RPAP2: variants seen among roughly 807,000 people sequenced by gnomAD.
RPAP2 encodes putative RNA polymerase II subunit B1 CTD phosphatase RPAP2.
Under a neutral mutation model 73.1 loss-of-function variants are expected in RPAP2, and 52 were observed. The observed-to-expected ratio is 0.71, with a 90% CI of 0.57 to 0.90. The LOEUF is 0.90. Among genes scored for constraint, RPAP2 ranks in the 40% least tolerant of loss-of-function variants. RPAP2 has a pLI of 0.00. For synonymous variants in RPAP2, 225 were observed against 242.1 expected (o/e 0.93, Z 0.65); for missense variants, 598 against 701.8 (o/e 0.85, Z 1.67).
intron 11 of RPAP2, among the ~76,000 whole-genome samples, chr1:92,364,015 AG>A (rs1215143371): frequency 6.6e-6 from 1 of 152,040 alleles, no homozygotes; most frequent in African/African-American, 2.4e-5. Context: ...TGCATGGGGG[AG>A]GGGGTCAGTG....
chr1:92,373,762 A>T (rs983378648), intron 11 of RPAP2, among the ~76,000 whole-genome samples: 6 of 147,850 alleles, frequency 4.1e-5, no homozygotes, highest in African/African-American at 1.5e-4. Context: ...AAAAAAAAAA[A>T]AAAAAAAAGT....
chr1:92,374,802 T>G (rs1244282974), intron 11 of RPAP2, among the ~76,000 whole-genome samples: 1 of 152,112 alleles, frequency 6.6e-6, no homozygotes, highest in Non-Finnish European at 1.5e-5. Flanking sequence ...TATTAAGTAA[T>G]AAAACATAAA....
rs12065163 is a variant in RPAP2, at chr1:92,323,748, T to C, written c.828T>C (p.Asp276=). 15,539 of 1,614,092 alleles carry C rather than the reference T, an allele frequency of 9.6e-3. 1,140 individuals carry two copies. The African/African-American group carries it at 0.17, about 18-fold the overall frequency. The change falls in exon 8 of 13, where the codon GAT becomes GAC. Residue 276 remains aspartate, a synonymous_variant. Transcript: ENST00000610020. ...TVVDVTEQLG[D]CKLDSQEKDA... ...TAGATGTCACTGAGCAGTTAGGCGA[T>C]TGCAAATTAGATAGTCAGGAGAAAG... is the stretch of plus-strand genomic sequence containing the variant.
intron 11 of RPAP2, among the ~76,000 whole-genome samples, chr1:92,357,392 CCATA>C (rs1189823607): frequency 6.6e-6 from 1 of 152,012 alleles, no homozygotes; most frequent in East Asian, 1.9e-4. Context: ...GTTTGGGGGG[CCATA>C]CAAAGTTGAT....
At chr1:92,321,475 TA>T (rs201995106) in intron 7 of RPAP2, among the ~76,000 whole-genome samples, 2 of 151,828 alleles carry the variant, frequency 1.3e-5, no homozygotes, top group African/African-American at 4.8e-5. Flanking sequence ...TATATATATA[TA>T]TTTTTTTCTT....
At chr1:92,381,363 T>G (rs1003232453) in intron 12 of RPAP2, among the ~76,000 whole-genome samples, 3 of 152,186 alleles carry the variant, frequency 2.0e-5, no homozygotes, top group African/African-American at 7.2e-5. Context: ...CCTAACCCTG[T>G]TCCCAGATAC....
At position 92,324,262 on chromosome 1, in the gene RPAP2, A is replaced by C. The variant is rs1220530268; in HGVS notation, c.1342A>C (p.Ser448Arg). 1 of 1,613,924 alleles carries C rather than the reference A, an allele frequency of 6.2e-7. No homozygotes were observed. The highest frequency in any genetic ancestry group is 8.5e-7 in the Non-Finnish European group (1 of 1,179,964). The stretch of plus-strand genomic sequence containing the variant: ...AGGTACAGCCATTAAACCACTGCCA[A>C]GTTACGAGAATTTGAAAAAAGAAAC... ...GSGTAIKPLP[S>R]YENLKKETEK... Residue 448 changes from serine to arginine, a missense_variant, in exon 8 of 13, where the codon AGT becomes CGT. This residue lies in a region of RPAP2 where 506 missense variants were observed against 612.8 expected (regional missense o/e 0.83). Transcript: ENST00000610020.
chr1:92,305,315 C>T (rs1651131644), intron 5 of RPAP2, among the ~76,000 whole-genome samples: 1 of 151,072 alleles, frequency 6.6e-6, no homozygotes, highest in Non-Finnish European at 1.5e-5. Context: ...CGCCTGTAGT[C>T]CCAGCTACTC....
intron 11 of RPAP2, among the ~76,000 whole-genome samples, chr1:92,365,129 G>A (rs1654885200): frequency 1.3e-5 from 2 of 152,060 alleles, no homozygotes; most frequent in South Asian, 4.1e-4. Context: ...CTCCTTAGAA[G>A]CCTTCCTTAA....
intron 11 of RPAP2, among the ~76,000 whole-genome samples, chr1:92,372,193 C>CTCATA (rs1655184892): frequency 6.6e-6 from 1 of 152,064 alleles, no homozygotes; most frequent in Non-Finnish European, 1.5e-5. Context: ...CCAAGTAAAT[C>CTCATA]TCATATCATT....
In RPAP2 at chr1:92,380,808, A is replaced by G; in HGVS notation, c.1773A>G (p.Leu591=). The change falls in exon 12 of 13, where the codon TTA becomes TTG. Residue 591 remains leucine, a synonymous_variant. Transcript: ENST00000610020. ...TRFLDTLLEE[L]HLKNEDLESL... Reference sequence around the variant, plus strand: ...TTCTAGACACCCTCCTTGAAGAATTACATCTAAAAAATGAAGACCTTGAAA... The same window carrying G: ...TTCTAGACACCCTCCTTGAAGAATTGCATCTAAAAAATGAAGACCTTGAAA... The G allele has an allele frequency of 6.2e-7, 1 of 1,608,070 alleles. No homozygotes were observed.
At chr1:92,343,721 A>G (rs1199206642) in intron 10 of RPAP2, among the ~76,000 whole-genome samples, 1 of 143,286 alleles carries the variant, frequency 7.0e-6, no homozygotes, top group Non-Finnish European at 1.6e-5. Context: ...CTCTGACAAG[A>G]AAAAACAGAA....
At chr1:92,309,257 C>T (rs1189888312) in intron 6 of RPAP2, among the ~76,000 whole-genome samples, 2 of 151,942 alleles carry the variant, frequency 1.3e-5, no homozygotes, top group Admixed American at 6.6e-5. Flanking sequence ...TCCTGGCCAA[C>T]ATGGTGAAAC....
intron 2 of RPAP2, 114 bp from the exon 3 acceptor site, chr1:92,301,362 A>C: frequency 2.5e-6 from 1 of 396,180 alleles, no homozygotes; most frequent in Non-Finnish European, 4.4e-6. Flanking sequence ...AAATTTTTTA[A>C]ATATATTTAA....
chr1:92,393,426 G>T lies in RPAP2; in HGVS notation c.*6415G>T, dbSNP rs1350373274. The T allele has an allele frequency of 1.3e-5, 2 of 152,182 alleles. No homozygotes were observed. The highest frequency in any genetic ancestry group is 2.9e-5 in the Non-Finnish European group (2 of 68,046). The allele number at this position is 152,182 out of a possible 1,614,324, so 9.4% of individuals were successfully genotyped here. A position where few individuals can be genotyped will look rare whatever the true frequency, so the allele number is the denominator to read the frequency against. ...CATTCAGGACATAGGCATGGGCAAA[G>T]ACTTCATGTCTAAAACACCAAAAGC... On this transcript the variant is annotated 3_prime_UTR_variant, in exon 13 of 13. Coordinates refer to ENST00000610020, the MANE Select transcript of RPAP2 (RefSeq NM_024813.3).
chr1:92,307,311 T>A, intron 6 of RPAP2, 35 bp downstream of exon 6: 1 of 1,358,858 alleles, frequency 7.4e-7, no homozygotes, highest in Non-Finnish European at 1.0e-6. Flanking sequence ...CATTTGTTCA[T>A]ATATTCTAAT....
At chr1:92,380,983 C>A (rs769686986) in intron 12 of RPAP2, 110 bp downstream of exon 12, 3 of 863,204 alleles carry the variant, frequency 3.5e-6, no homozygotes, top group Non-Finnish European at 3.4e-6. Flanking sequence ...CCTCAAGATG[C>A]CCTCAGTTTG....
intron 3 of RPAP2, among the ~76,000 whole-genome samples, chr1:92,302,106 C>A (rs925834651): frequency 1.3e-5 from 2 of 152,020 alleles, no homozygotes; most frequent in Admixed American, 6.6e-5. Flanking sequence ...CATGGTGAAA[C>A]CTCGTTTCTA....
At chr1:92,305,443 A>AAAAAAAAAAAAAAAAAC in intron 5 of RPAP2, among the ~76,000 whole-genome samples, 1 of 148,240 alleles carries the variant, frequency 6.7e-6, no homozygotes, top group African/African-American at 2.5e-5. Flanking sequence ...AAAAAAAAAA[A>AAAAAAAAAAAAAAAAAC]AAAAAAAAGA....
Sources: allele counts gnomAD v4.1 joint callset (sites outside exome capture counted in the v4.1 genomes callset), GRCh38; gene constraint gnomAD v4.1.1; regional missense constraint gnomAD v4.1.1; transcripts MANE v1.5; gene names NCBI Gene and HGNC (gene_info 2026-07-23, HGNC 2026-07-21).